Variants in PTH2R observed in about 807,000 individuals in gnomAD.
PTH2R encodes PTH2 receptor.
In PTH2R, 59 loss-of-function variants were observed where a neutral mutation model predicts 60.3. That is an observed-to-expected ratio of 0.98 (90% CI 0.79 to 1.22). The LOEUF (loss-of-function observed/expected upper bound fraction) is 1.22, where lower values mean the gene tolerates loss of function less well. Ranked by LOEUF, PTH2R falls within the 50% of genes most tolerant of loss-of-function variation. The pLI is 0.00. For synonymous variants in PTH2R, 256 were observed against 243.8 expected, an observed-to-expected ratio of 1.05 and a Z score of -0.47; for missense variants, 749 against 682.6, an observed-to-expected ratio of 1.10 and a Z score of -1.08.
At chr2:208,396,995 T>C (rs1273009644) in intron 1 of PTH2R, among the ~76,000 whole-genome samples, 4 of 152,216 alleles carry the variant, frequency 2.6e-5, no homozygotes, top group East Asian at 3.8e-4. Flanking sequence ...GATGAGTTTA[T>C]GTCCTTTGCC....
chr2:208,461,195 C>G (rs1262107781), intron 9 of PTH2R, among the ~76,000 whole-genome samples: 1 of 151,988 alleles, frequency 6.6e-6, no homozygotes, highest in Non-Finnish European at 1.5e-5. Flanking sequence ...AGGAGAAGCT[C>G]AAAAATCGAT....
At chr2:208,482,577 A>G (rs1703179162) in intron 10 of PTH2R, among the ~76,000 whole-genome samples, 1 of 152,246 alleles carries the variant, frequency 6.6e-6, no homozygotes, top group Non-Finnish European at 1.5e-5. Flanking sequence ...GAGCCTTAAA[A>G]CAGAAACACA....
upstream of PTH2R, among the ~76,000 whole-genome samples, chr2:208,405,372 T>C (rs932389258): frequency 6.6e-6 from 1 of 152,156 alleles, no homozygotes; most frequent in Non-Finnish European, 1.5e-5. Context: ...TAGATTTAGA[T>C]ACATAAATTT....
chr2:208,465,357 C>A (rs1241426272), intron 9 of PTH2R, among the ~76,000 whole-genome samples: 1 of 122,724 alleles, frequency 8.1e-6, no homozygotes, highest in African/African-American at 3.1e-5. Context: ...ATGATGATCA[C>A]TTTTCACATA....
At chr2:208,391,221 C>T (rs1386484690) in intron 1 of PTH2R, among the ~76,000 whole-genome samples, 1 of 152,194 alleles carries the variant, frequency 6.6e-6, no homozygotes, top group Admixed American at 6.5e-5. Flanking sequence ...GCTTAACTAG[C>T]TTAGACGTTT....
chr2:208,406,122 T>C (rs369939511), upstream of PTH2R, among the ~76,000 whole-genome samples: 1 of 152,200 alleles, frequency 6.6e-6, no homozygotes, highest in East Asian at 1.9e-4. Flanking sequence ...GTTATGCAGC[T>C]AGCACATGGC....
At chr2:208,374,987 T>C (rs1207416201) in intron 1 of PTH2R, among the ~76,000 whole-genome samples, 1 of 152,068 alleles carries the variant, frequency 6.6e-6, no homozygotes, top group Non-Finnish European at 1.5e-5. Context: ...AATCATAAGA[T>C]GTGAGGTGAA....
intron 1 of PTH2R, among the ~76,000 whole-genome samples, chr2:208,365,923 TAGATAA>T (rs1297391666): frequency 7.0e-4 from 53 of 75,564 alleles, no homozygotes; most frequent in African/African-American, 3.2e-3. Flanking sequence ...TATAATATAA[TAGATAA>T]ATATATATAT....
chr2:208,437,951 G>A, intron 4 of PTH2R, 70 bp downstream of exon 4: 1 of 1,556,030 alleles, frequency 6.4e-7, no homozygotes, highest in Non-Finnish European at 8.8e-7. Flanking sequence ...ATTCTCAATT[G>A]CCAGCCATTA....
chr2:208,488,328 A>T (rs1032236930), intron 10 of PTH2R, among the ~76,000 whole-genome samples: 1 of 152,210 alleles, frequency 6.6e-6, no homozygotes, highest in Non-Finnish European at 1.5e-5. Context: ...AAAAATGGAG[A>T]TACAAATGTA....
At chr2:208,408,766 A>AGAGAGAGAGAGAG (rs58836876) in intron 1 of PTH2R, among the ~76,000 whole-genome samples, 36 of 109,566 alleles carry the variant, frequency 3.3e-4, no homozygotes, top group African/African-American at 1.6e-3. Flanking sequence ...GAGAGAGAGA[A>AGAGAGAGAGAGAG]ATAAATAATA....
At chr2:208,423,935 T>C (rs754168021) in intron 1 of PTH2R, among the ~76,000 whole-genome samples, 2 of 152,204 alleles carry the variant, frequency 1.3e-5, no homozygotes, top group African/African-American at 4.8e-5. Context: ...TTACTGCTCA[T>C]AGAAGTAGAA....
At chr2:208,474,968 C>G (rs963757315) in intron 9 of PTH2R, among the ~76,000 whole-genome samples, 6 of 152,158 alleles carry the variant, frequency 3.9e-5, no homozygotes, top group Admixed American at 2.0e-4. Flanking sequence ...CTGTAAATAA[C>G]TGTCAGCTGC....
intron 1 of PTH2R, among the ~76,000 whole-genome samples, chr2:208,381,410 A>C (rs1700910433): frequency 1.3e-5 from 2 of 152,154 alleles, no homozygotes; most frequent in South Asian, 4.1e-4. Context: ...AATACAAATA[A>C]CTATTCTTTA....
chr2:208,399,803 G>C lies in PTH2R; in HGVS notation c.-258-28398G>C, dbSNP rs113020992. ...GTCCTTCTAGCAAATCATTAAGCAT[G>C]ATGGTGGTGGTTTTGAGGACTCCCA... is the stretch of plus-strand genomic sequence containing the variant. On this transcript the variant is annotated intron_variant, in intron 1 of 12. Transcript: ENST00000617735. Among the ~76,000 whole-genome samples, 1,193 of 152,254 alleles carry C rather than the reference G, an allele frequency of 7.8e-3. 6 individuals carry two copies. The highest frequency in any genetic ancestry group is 0.012 in the Non-Finnish European group (832 of 68,020).
upstream of PTH2R, among the ~76,000 whole-genome samples, chr2:208,403,501 G>A (rs1701346910): frequency 6.6e-6 from 1 of 152,140 alleles, no homozygotes; most frequent in Admixed American, 6.5e-5. Context: ...AAATCCTGGT[G>A]CTAACTGATC....
At chr2:208,431,089 G>A (rs927637054) in intron 2 of PTH2R, among the ~76,000 whole-genome samples, 1 of 152,106 alleles carries the variant, frequency 6.6e-6, no homozygotes, top group Non-Finnish European at 1.5e-5. Flanking sequence ...ACTACTCTTT[G>A]TGTGTCGATG....
intron 9 of PTH2R, among the ~76,000 whole-genome samples, chr2:208,460,670 A>G (rs1702616039): frequency 6.6e-6 from 1 of 152,064 alleles, no homozygotes; most frequent in African/African-American, 2.4e-5. Flanking sequence ...AACTTATCAA[A>G]ATGTTTACTC....
At chr2:208,367,533 C>T (rs188633833) in intron 1 of PTH2R, among the ~76,000 whole-genome samples, 4 of 148,168 alleles carry the variant, frequency 2.7e-5, no homozygotes, top group African/African-American at 2.5e-5. Flanking sequence ...CGATTTCTGG[C>T]TAATTTTTGT....
Sources: allele counts gnomAD v4.1 joint callset (sites outside exome capture counted in the v4.1 genomes callset), GRCh38; gene constraint gnomAD v4.1.1; transcripts MANE v1.5; gene names NCBI Gene and HGNC (gene_info 2026-07-23, HGNC 2026-07-21).